PCDHA2: variants seen among roughly 807,000 people sequenced by gnomAD.
The protein encoded by PCDHA2 is protocadherin alpha 2.
A neutral mutation model predicts 66.0 loss-of-function variants in PCDHA2; 58 were observed. The observed-to-expected ratio is 0.88, with a 90% confidence interval of 0.71 to 1.09. The LOEUF (loss-of-function observed/expected upper bound fraction) is 1.09, where lower values mean the gene tolerates loss of function less well. PCDHA2 is among the 50% of genes least tolerant of loss of function. The probability of loss-of-function intolerance (pLI) is 0.00; values close to 1 mark genes in which losing one functional copy is unlikely to be tolerated. For missense variants in PCDHA2, 1,267 were observed against 1,242.3 expected, an observed-to-expected ratio of 1.02 and a Z score of -0.30; for synonymous variants, 634 against 554.0, an observed-to-expected ratio of 1.14 and a Z score of -2.03.
At chr5:140,849,962 G>A in intron 1 of PCDHA2, 1 of 1,597,888 alleles carries the variant, frequency 6.3e-7, no homozygotes, top group Admixed American at 1.7e-5. Context: ...AGAACGCCCT[G>A]GTGTCCTACT....
intron 1 of PCDHA2, chr5:140,856,840 C>G: frequency 6.3e-7 from 1 of 1,591,894 alleles, no homozygotes; most frequent in Non-Finnish European, 8.6e-7. Flanking sequence ...TACGGCTCAA[C>G]GCTTCTGATT....
At chr5:140,917,325 G>A (rs2078036694) in intron 1 of PCDHA2, among the ~76,000 whole-genome samples, 2 of 131,364 alleles carry the variant, frequency 1.5e-5, no homozygotes, top group East Asian at 2.1e-4. Context: ...TTCATGTGGC[G>A]GGGGAGGGGG....
chr5:140,871,327 C>G (rs782093100), intron 1 of PCDHA2: 12 of 1,614,102 alleles, frequency 7.4e-6, no homozygotes, highest in Admixed American at 1.7e-5. Context: ...GGTGTGCTCC[C>G]GCGCGGTGGG....
chr5:140,947,763 AAT>A (rs1396909113), intron 1 of PCDHA2, among the ~76,000 whole-genome samples: 1 of 151,658 alleles, frequency 6.6e-6, no homozygotes, highest in Non-Finnish European at 1.5e-5. Flanking sequence ...TGGTTTAAAA[AAT>A]TCTATTGTAA....
intron 1 of PCDHA2, among the ~76,000 whole-genome samples, chr5:140,897,888 G>C (rs1554187649): frequency 6.6e-6 from 1 of 152,150 alleles, no homozygotes; most frequent in Non-Finnish European, 1.5e-5. Flanking sequence ...ATTCTAACTG[G>C]TGTGAGATGG....
At position 140,869,840 on chromosome 5, in the gene PCDHA2, A is replaced by T. The variant is rs782569950; in HGVS notation, c.2388+72488A>T. 9 of 1,611,616 alleles carry T rather than the reference A, an allele frequency of 5.6e-6. No homozygotes were observed. The Admixed American group carries it at 1.5e-4, about 27-fold the overall frequency. On this transcript the variant is annotated intron_variant, in intron 1 of 3. Transcript: ENST00000526136. The stretch of plus-strand genomic sequence containing the variant: ...AATGATCCAGAGTTTGATAAATCAG[A>T]ATATAAGGTGAGCCTTATGGAAAAT...
Position 140,843,508 on chromosome 5 carries a change from G to A in PCDHA2, c.2388+46156G>A, listed in dbSNP as rs2150361368. On this transcript the variant is annotated intron_variant, in intron 1 of 3. Transcript: ENST00000526136. ...TGCGGTGCTCAGCACTGCCCACTGA[G>A]GGCGGGTGCCGGGCGGGCAAGCCCA... 2.5e-6 allele frequency: 4 copies of A among 1,596,038 alleles called. No individual in the cohort carries two copies. The Admixed American group carries it at 6.7e-5, about 27-fold the overall frequency.
intron 1 of PCDHA2, chr5:140,834,412 G>A (rs2150217251): frequency 3.1e-6 from 5 of 1,611,044 alleles, no homozygotes; most frequent in Non-Finnish European, 4.2e-6. Context: ...TACGACCCAG[G>A]GGGCCGACAT....
At position 141,010,202 on chromosome 5, in the gene PCDHA2, GC is replaced by G. The variant is rs1308553255; in HGVS notation, c.*267del. 6.4e-7 allele frequency: 1 copy of G among 1,551,944 alleles called. No individual in the cohort carries two copies. The highest frequency in any genetic ancestry group is 8.7e-7 in the Non-Finnish European group (1 of 1,147,050). The stretch of plus-strand genomic sequence containing the variant: ...CAGACCCAAGTTTCCTTTCTCCTCC[GC>G]CGCAAAGGAGAGGCTTCCCAGCCCC... On this transcript the variant is annotated 3_prime_UTR_variant, in exon 4 of 4. Transcript: ENST00000526136.
chr5:140,821,611 G>A, intron 1 of PCDHA2: 1 of 799,408 alleles, frequency 1.3e-6, no homozygotes, highest in South Asian at 2.1e-5. Flanking sequence ...AATACAGTGA[G>A]TAGATTTTCC....
intron 1 of PCDHA2, among the ~76,000 whole-genome samples, chr5:140,960,125 G>A (rs2153724181): frequency 6.6e-6 from 1 of 152,336 alleles, no homozygotes; most frequent in East Asian, 1.9e-4. Context: ...TATTCCTTAT[G>A]AAATACTTAG....
intron 1 of PCDHA2, chr5:140,801,802 G>C (rs782120718): frequency 6.2e-7 from 1 of 1,613,964 alleles, no homozygotes; most frequent in Non-Finnish European, 8.5e-7. Context: ...AATTTAAATC[G>C]AGAGGACACT....
At chr5:140,836,549 G>T (rs2150263747) in intron 1 of PCDHA2, 2 of 1,613,770 alleles carry the variant, frequency 1.2e-6, no homozygotes, top group South Asian at 2.2e-5. Context: ...CGGCGTTGCG[G>T]TGCTCAGCGC....
At chr5:140,994,188 G>T (rs1156320589) in intron 3 of PCDHA2, among the ~76,000 whole-genome samples, 1 of 152,080 alleles carries the variant, frequency 6.6e-6, no homozygotes, top group Non-Finnish European at 1.5e-5. Flanking sequence ...AAACCACCAG[G>T]GCCTGTTGGT....
At chr5:141,001,953 G>C (rs55743067) in intron 3 of PCDHA2, among the ~76,000 whole-genome samples, 27 of 152,290 alleles carry the variant, frequency 1.8e-4, no homozygotes, top group Non-Finnish European at 3.5e-4. Context: ...AAGGAGGAGG[G>C]AGAGGCGGGG....
At chr5:140,808,464 C>A in intron 1 of PCDHA2, 1 of 1,614,164 alleles carries the variant, frequency 6.2e-7, no homozygotes, top group Non-Finnish European at 8.5e-7. Context: ...CTGGTGGTGA[C>A]CGCGCGAGAC....
chr5:140,808,489 G>C (rs782060107), intron 1 of PCDHA2: 11 of 1,614,040 alleles, frequency 6.8e-6, no homozygotes, highest in Non-Finnish European at 9.3e-6. Flanking sequence ...GCTCGCCTTC[G>C]CTGTGGGCCA....
At chr5:141,009,327 C>A (rs1445732436) in intron 3 of PCDHA2, among the ~76,000 whole-genome samples, 3 of 152,142 alleles carry the variant, frequency 2.0e-5, no homozygotes, top group Non-Finnish European at 2.9e-5. Context: ...GGCATGGGAG[C>A]TTGTGCCTGT....
chr5:140,804,344 T>C (rs1356839556), intron 1 of PCDHA2: 1 of 152,178 alleles, frequency 6.6e-6, no homozygotes, highest in East Asian at 1.9e-4. Flanking sequence ...CTGTATTATA[T>C]GTTAAAATTT....
Sources: gnomAD v4.1 joint callset for allele counts (sites outside exome capture counted in the v4.1 genomes callset) on GRCh38, gnomAD v4.1.1 for gene constraint, MANE v1.5 for transcripts, NCBI Gene and HGNC (gene_info 2026-07-23, HGNC 2026-07-21) for gene names.